Variants in NTRK2 observed in about 807,000 individuals in gnomAD.
NTRK2 encodes the protein BDNF/NT-3 growth factors receptor.
A neutral mutation model predicts 94.5 loss-of-function variants in NTRK2; 13 were observed. The observed-to-expected ratio is 0.14, with a 90% CI of 0.09 to 0.22. NTRK2 has a LOEUF of 0.22. Among genes scored for constraint, NTRK2 ranks in the 10% least tolerant of loss-of-function variants. NTRK2 has a pLI of 1.00. For missense variants in NTRK2, 639 were observed against 1,071.2 expected (o/e 0.60, Z 5.63); for synonymous variants, 372 against 407.4 (o/e 0.91, Z 1.05).
chr9:84,986,153 G>T (rs1828261401), intron 17 of NTRK2, among the ~76,000 whole-genome samples: 1 of 151,974 alleles, frequency 6.6e-6, no homozygotes. Context: ...TTCACAAACA[G>T]CCCCCAAACC....
At chr9:84,945,855 A>G (rs2078581585) in intron 15 of NTRK2, among the ~76,000 whole-genome samples, 1 of 152,214 alleles carries the variant, frequency 6.6e-6, no homozygotes. Flanking sequence ...GCTTATAAAG[A>G]CACTTCTCAG....
rs141412414 is a variant in NTRK2, at chr9:84,884,323, T to C, written c.1633+16892T>C. 4.0e-3 allele frequency among the ~76,000 whole-genome samples: 613 copies of C among 152,312 alleles called. 2 individuals carry two copies. The highest frequency in any genetic ancestry group is 7.9e-3 in the South Asian group (38 of 4,826). ...ATAAAAACTCTTGCATATAACTCAG[T>C]TGAAAACAAAAATGTAAGGAAGAGT... On this transcript the variant is annotated intron_variant, in intron 14 of 18. Transcript: ENST00000277120.
chr9:84,897,893 C>A (rs1036964402), intron 14 of NTRK2, among the ~76,000 whole-genome samples: 5 of 152,154 alleles, frequency 3.3e-5, no homozygotes, highest in African/African-American at 1.2e-4. Context: ...CTCTATAAAA[C>A]CAAGGGTCAT....
At chr9:84,822,040 G>T (rs1426967243) in intron 12 of NTRK2, among the ~76,000 whole-genome samples, 1 of 152,132 alleles carries the variant, frequency 6.6e-6, no homozygotes, top group Non-Finnish European at 1.5e-5. Flanking sequence ...GGACTTCTTG[G>T]CCAGCAGTCC....
chr9:84,783,260 T>C (rs138130790), intron 12 of NTRK2, among the ~76,000 whole-genome samples: 27 of 152,338 alleles, frequency 1.8e-4, no homozygotes, highest in Non-Finnish European at 3.2e-4. Flanking sequence ...TTTATCACAA[T>C]GTATTTTTGT....
At chr9:84,773,189 G>A (rs1488263587) in intron 12 of NTRK2, among the ~76,000 whole-genome samples, 1 of 152,172 alleles carries the variant, frequency 6.6e-6, no homozygotes, top group Non-Finnish European at 1.5e-5. Context: ...TTAATGGACT[G>A]TAAATGCTTG....
intron 12 of NTRK2, among the ~76,000 whole-genome samples, chr9:84,830,163 C>T (rs187221144): frequency 2.0e-3 from 311 of 152,322 alleles, no homozygotes; most frequent in Non-Finnish European, 3.6e-3. Context: ...GCTCTGGCAA[C>T]GACAGCAGGT....
At position 84,706,521 on chromosome 9, in the gene NTRK2, G is replaced by GTTTTTTTTTTTTTTTTTTTTTTTTTTT. The variant is rs1173199220; in HGVS notation, c.360-1318_360-1317insTTTTTTTTTTTTTTTTTTTTTTTTTTT. ...TCAGATCTCATGTGTGTTATTTTTT[G>GTTTTTTTTTTTTTTTTTTTTTTTTTTT]TTTTTGTTTTTTTTTTTTTTTTTTT... is the stretch of plus-strand genomic sequence containing the variant. On this transcript the variant is annotated intron_variant, in intron 4 of 18. Transcript: ENST00000277120. 2.1e-5 allele frequency among the ~76,000 whole-genome samples: 2 copies of GTTTTTTTTTTTTTTTTTTTTTTTTTTT among 95,336 alleles called. 1 individual carries two copies. 62.5% of individuals were successfully genotyped at this position (95,336 alleles called of 152,430 possible). A position where few individuals can be genotyped will look rare whatever the true frequency, so the allele number is the denominator to read the frequency against.
intron 14 of NTRK2, among the ~76,000 whole-genome samples, chr9:84,908,110 A>G (rs973916803): frequency 6.6e-6 from 1 of 152,256 alleles, no homozygotes; most frequent in East Asian, 1.9e-4. Flanking sequence ...CAAACAAACA[A>G]AAACAAGCTC....
intron 12 of NTRK2, among the ~76,000 whole-genome samples, chr9:84,819,117 CCT>C (rs2072618830): frequency 6.6e-6 from 1 of 152,084 alleles, no homozygotes; most frequent in South Asian, 2.1e-4. Context: ...AAGTTCCCTC[CCT>C]CTCTCTTTTA....
intron 17 of NTRK2, among the ~76,000 whole-genome samples, chr9:84,955,924 C>G (rs913910469): frequency 8.5e-5 from 13 of 152,154 alleles, no homozygotes; most frequent in African/African-American, 3.1e-4. Flanking sequence ...GTGAGGTTAT[C>G]AACGTATAAA....
At chr9:84,780,461 T>G (rs2067457878) in intron 12 of NTRK2, among the ~76,000 whole-genome samples, 1 of 152,134 alleles carries the variant, frequency 6.6e-6, no homozygotes, top group Non-Finnish European at 1.5e-5. Context: ...CTTCCACATA[T>G]TTTGTAATAG....
intron 14 of NTRK2, among the ~76,000 whole-genome samples, chr9:84,870,317 T>TGG (rs1241541292): frequency 0.038 from 1,798 of 47,294 alleles, 26 homozygotes; most frequent in Non-Finnish European, 0.057. Context: ...TACATATATG[T>TGG]GGGGTGTGTG....
intron 16 of NTRK2, among the ~76,000 whole-genome samples, chr9:84,954,342 G>T (rs1823842188): frequency 6.6e-6 from 1 of 152,224 alleles, no homozygotes; most frequent in East Asian, 1.9e-4. Context: ...GCTGAGGGCG[G>T]CATCCTAAGA....
At chr9:84,873,429 C>T (rs907979075) in intron 14 of NTRK2, 9 of 1,059,092 alleles carry the variant, frequency 8.5e-6, no homozygotes, top group African/African-American at 3.3e-5. Context: ...CGACTCATCT[C>T]GTGGGAGCCT....
At chr9:84,982,776 G>C (rs1338275373) in intron 17 of NTRK2, among the ~76,000 whole-genome samples, 2 of 152,144 alleles carry the variant, frequency 1.3e-5, no homozygotes, top group Non-Finnish European at 2.9e-5. Context: ...CTTTTAAACA[G>C]ATAAATGTGT....
At chr9:84,979,426 A>AGCC (rs1379377200) in intron 17 of NTRK2, among the ~76,000 whole-genome samples, 1 of 152,228 alleles carries the variant, frequency 6.6e-6, no homozygotes, top group Non-Finnish European at 1.5e-5. Context: ...TTAGAAGTGG[A>AGCC]GCCTGGAGAT....
chr9:84,783,221 G>A (rs2067774399), intron 12 of NTRK2, among the ~76,000 whole-genome samples: 1 of 152,076 alleles, frequency 6.6e-6, no homozygotes, highest in South Asian at 2.1e-4. Flanking sequence ...GTGTGTCTAG[G>A]GATTGACTTT....
chr9:84,737,426 A>AT (rs2063336330), intron 9 of NTRK2, among the ~76,000 whole-genome samples: 1 of 152,192 alleles, frequency 6.6e-6, no homozygotes, highest in African/African-American at 2.4e-5. Flanking sequence ...AAAAGGTCCT[A>AT]TTTTAGGTTA....
Sources: allele counts gnomAD v4.1 joint callset (sites outside exome capture counted in the v4.1 genomes callset), GRCh38; gene constraint gnomAD v4.1.1; transcripts MANE v1.5; gene names NCBI Gene and HGNC (gene_info 2026-07-23, HGNC 2026-07-21).